The following TMIGD3 variants were observed in gnomAD, a reference collection of about 807,000 sequenced individuals.
TMIGD3 encodes the protein transmembrane and immunoglobulin domain containing 3.
TMIGD3 carries 21 observed loss-of-function variants against 28.1 expected under a neutral mutation model. That is an observed-to-expected ratio of 0.75 (90% CI 0.53 to 1.08). The LOEUF is 1.08. Among genes scored for constraint, TMIGD3 ranks in the 50% least tolerant of loss-of-function variants. The pLI is 0.00. For missense variants in TMIGD3, 416 were observed against 435.6 expected, an observed-to-expected ratio of 0.96 and a Z score of 0.40; for synonymous variants, 151 against 162.1, an observed-to-expected ratio of 0.93 and a Z score of 0.52.
chr1:111,506,429 G>A (rs537321820), upstream of TMIGD3, among the ~76,000 whole-genome samples: 20 of 152,338 alleles, frequency 1.3e-4, no homozygotes, highest in East Asian at 7.7e-4. Flanking sequence ...CAATGCTCTC[G>A]AATGAAATAG....
intron 3 of TMIGD3, among the ~76,000 whole-genome samples, chr1:111,487,964 C>A (rs1272301917): frequency 6.6e-6 from 1 of 151,984 alleles, no homozygotes; most frequent in Non-Finnish European, 1.5e-5. Flanking sequence ...ACCACCACAT[C>A]CAGCTAATTT....
chr1:111,485,728 A>G lies in TMIGD3; in HGVS notation c.973+12T>C, dbSNP rs376985913. ...TTCTTGCCCACCCCCTCCCTCAACA[A>G]TAGCTACTTACCCCTTCTATTCCTT... On this transcript the variant is annotated intron_variant, in intron 5 of 5. Coordinates refer to ENST00000369716, the MANE Select transcript of TMIGD3 (RefSeq NM_020683.7). 12 of 1,470,910 alleles carry G rather than the reference A, an allele frequency of 8.2e-6. No homozygotes were observed. Among genetic ancestry groups the G allele is most frequent in the East Asian group, 2.3e-5 (1 of 43,416 alleles). 91.1% of individuals were successfully genotyped at this position (1,470,910 alleles called of 1,614,324 possible).
chr1:111,558,654 A>G (rs1657611121), intron 1 of TMIGD3, among the ~76,000 whole-genome samples: 1 of 124,294 alleles, frequency 8.0e-6, no homozygotes, highest in Non-Finnish European at 1.5e-5. Flanking sequence ...AAATTTTGCT[A>G]AAATAAATGG....
chr1:111,500,223 C>A lies in TMIGD3; in HGVS notation c.350+2782G>T, dbSNP rs371490424. ...AAAGAACCAGAAACAAGGACTTAGCCGTCTTGAACTCCCGTCCATAAAATG... is the reference window on the plus strand; with the variant it reads ...AAAGAACCAGAAACAAGGACTTAGCAGTCTTGAACTCCCGTCCATAAAATG... On this transcript the variant is annotated intron_variant, in intron 1 of 5. Coordinates refer to ENST00000369716, the MANE Select transcript of TMIGD3 (RefSeq NM_020683.7). The A allele has an allele frequency of 6.2e-6, 10 of 1,613,978 alleles. No homozygotes were observed. In the South Asian group the frequency reaches 9.9e-5, roughly 16 times the overall value.
intron 1 of TMIGD3, among the ~76,000 whole-genome samples, chr1:111,511,026 A>G (rs995379827): frequency 1.3e-5 from 2 of 152,342 alleles, no homozygotes; most frequent in Middle Eastern, 3.4e-3. Context: ...TGGGTAAACC[A>G]TAATGCTATC....
chr1:111,498,539 G>T (rs918535910), intron 1 of TMIGD3, among the ~76,000 whole-genome samples: 13 of 152,172 alleles, frequency 8.5e-5, no homozygotes, highest in African/African-American at 2.9e-4. Flanking sequence ...TTGAAAGTTT[G>T]GGCTTTAATG....
At chr1:111,509,709 C>T (rs1655628198) in intron 1 of TMIGD3, among the ~76,000 whole-genome samples, 1 of 152,224 alleles carries the variant, frequency 6.6e-6, no homozygotes, top group Non-Finnish European at 1.5e-5. Flanking sequence ...TGTGTCTTCC[C>T]CTCCTACTGC....
At chr1:111,500,120 C>T in intron 1 of TMIGD3, 2 of 1,614,046 alleles carry the variant, frequency 1.2e-6, no homozygotes, top group South Asian at 1.1e-5. Context: ...ATGTACAGCA[C>T]AAGCTGTGGT....
chr1:111,551,379 C>T (rs1305188665), intron 1 of TMIGD3, among the ~76,000 whole-genome samples: 1 of 152,082 alleles, frequency 6.6e-6, no homozygotes, highest in Admixed American at 6.6e-5. Context: ...CACTTTAATT[C>T]CTTTACCATT....
At chr1:111,510,341 A>G (rs957177475) in intron 1 of TMIGD3, among the ~76,000 whole-genome samples, 1 of 152,142 alleles carries the variant, frequency 6.6e-6, no homozygotes, top group African/African-American at 2.4e-5. Context: ...GGTTAATATA[A>G]AAAAACTGTA....
At chr1:111,485,014 C>T (rs1280636271) in intron 5 of TMIGD3, among the ~76,000 whole-genome samples, 4 of 152,176 alleles carry the variant, frequency 2.6e-5, no homozygotes, top group Non-Finnish European at 5.9e-5. Flanking sequence ...AGTCATGTCT[C>T]TGATGCTGCC....
chr1:111,503,886 G>A (rs957495501), upstream of TMIGD3: 3 of 992,086 alleles, frequency 3.0e-6, no homozygotes, highest in African/African-American at 5.2e-5. Context: ...TTCATTCAGG[G>A]ACCAGAGGAC....
intron 1 of TMIGD3, among the ~76,000 whole-genome samples, chr1:111,554,340 A>T (rs1411553473): frequency 6.6e-6 from 1 of 152,234 alleles, no homozygotes; most frequent in Non-Finnish European, 1.5e-5. Flanking sequence ...CCTACCAGAT[A>T]AAAAATTAAA....
intron 2 of TMIGD3, chr1:111,489,786 T>C: frequency 1.0e-6 from 1 of 999,314 alleles, no homozygotes; most frequent in Non-Finnish European, 1.2e-6. Flanking sequence ...TGTTCTGTCT[T>C]TAGGGGATAA....
At chr1:111,563,546 TA>T (rs1657831363) in intron 1 of TMIGD3, among the ~76,000 whole-genome samples, 2 of 152,164 alleles carry the variant, frequency 1.3e-5, no homozygotes, top group African/African-American at 4.8e-5. Context: ...TTATATACAA[TA>T]AATTCAGTGA....
At chr1:111,509,184 A>G (rs1388274993) in intron 1 of TMIGD3, among the ~76,000 whole-genome samples, 1 of 152,168 alleles carries the variant, frequency 6.6e-6, no homozygotes, top group Non-Finnish European at 1.5e-5. Context: ...ACCAGGAGGG[A>G]TTTGCCAGTA....
intron 1 of TMIGD3, among the ~76,000 whole-genome samples, chr1:111,517,765 C>T (rs1161090412): frequency 6.6e-6 from 1 of 152,190 alleles, no homozygotes; most frequent in Non-Finnish European, 1.5e-5. Context: ...AAAGTGGGTC[C>T]TCAGTGGGTT....
Position 111,559,404 on chromosome 1 carries a change from T to G in TMIGD3, c.107+4442A>C, listed in dbSNP as rs1021299828. ...CAGTGACCTAAAAAAAATCCTATTC[T>G]TTATGAAACTTAGTGCCTCCAAAAC... On this transcript the variant is annotated intron_variant, in intron 1 of 5. Transcript: ENST00000369717. Among the ~76,000 whole-genome samples the G allele has an allele frequency of 3.9e-5, 6 of 152,294 alleles. No homozygotes were observed. The South Asian group carries it at 1.2e-3, about 32-fold the overall frequency.
At chr1:111,532,834 C>T (rs1000528795) in intron 1 of TMIGD3, among the ~76,000 whole-genome samples, 1 of 152,088 alleles carries the variant, frequency 6.6e-6, no homozygotes, top group African/African-American at 2.4e-5. Context: ...CAGCTCTAGT[C>T]CAAGGGTGAA....
Sources: allele counts gnomAD v4.1 joint callset (sites outside exome capture counted in the v4.1 genomes callset), GRCh38; gene constraint gnomAD v4.1.1; transcripts MANE v1.5; gene names NCBI Gene and HGNC (gene_info 2026-07-23, HGNC 2026-07-21).